ALOX15B: variants seen among roughly 807,000 people sequenced by gnomAD.
ALOX15B encodes polyunsaturated fatty acid lipoxygenase ALOX15B.
Under a neutral mutation model 73.8 loss-of-function variants are expected in ALOX15B, and 74 were observed. The ratio of observed to expected loss-of-function variants is 1.00; its 90% CI spans 0.83 to 1.22. The LOEUF is 1.22. Among genes scored for constraint, ALOX15B ranks in the 50% most tolerant of loss-of-function variants. The pLI, the probability that ALOX15B is intolerant of heterozygous loss-of-function variation, is 0.00. For synonymous variants in ALOX15B, 353 were observed against 357.2 expected, an observed-to-expected ratio of 0.99 and a Z score of 0.13; for missense variants, 896 against 859.9, an observed-to-expected ratio of 1.04 and a Z score of -0.52.
Position 8,048,712 on chromosome 17 carries a change from C to G in ALOX15B, c.*147C>G. 3 of 751,594 alleles carry G rather than the reference C, an allele frequency of 4.0e-6. No homozygotes were observed. Among genetic ancestry groups the G allele is most frequent in the Non-Finnish European group, 6.2e-6 (3 of 485,870 alleles). The allele number at this position is 751,594 out of a possible 1,614,324, so 46.6% of individuals were successfully genotyped here. On this transcript the variant is annotated 3_prime_UTR_variant, in exon 14 of 14. Transcript: ENST00000380183. ...CAGACTCTGTAACTCACCCCCACCA[C>G]CATACACACACACAAAAACAGAAAC...
At chr17:8,045,861 A>T (rs964115128) in intron 8 of ALOX15B, among the ~76,000 whole-genome samples, 175 bp downstream of exon 8, 3 of 152,144 alleles carry the variant, frequency 2.0e-5, no homozygotes, top group African/African-American at 7.2e-5. Context: ...GCCCTAAGTA[A>T]CATAAATGCA....
intron 5 of ALOX15B, 138 bp from the exon 6 acceptor site, chr17:8,044,691 G>A (rs1424003147): frequency 2.8e-6 from 2 of 711,160 alleles, no homozygotes; most frequent in South Asian, 1.8e-5. Flanking sequence ...CAAGGGGCAG[G>A]GGAGGTAACT....
intron 10 of ALOX15B, 76 bp downstream of exon 10, chr17:8,047,152 G>A (rs984406409): frequency 1.2e-6 from 2 of 1,608,002 alleles, no homozygotes; most frequent in African/African-American, 1.3e-5. Flanking sequence ...AGGCCCCAGG[G>A]AGGCTCACGT....
Position 8,039,461 on chromosome 17 carries a change from G to T in ALOX15B, c.223G>T (p.Val75Leu). 4 of 1,605,988 alleles carry T rather than the reference G, an allele frequency of 2.5e-6. No homozygotes were observed. Among genetic ancestry groups the T allele is most frequent in the Non-Finnish European group, 3.4e-6 (4 of 1,177,258 alleles). ...GCTGCGCGTGCACAAGGCGCCCCCAGTGCTGCCCCTGCTGGGGCCCCTGGC... is the reference window on the plus strand; with the variant it reads ...GCTGCGCGTGCACAAGGCGCCCCCATTGCTGCCCCTGCTGGGGCCCCTGGC... ...LLLRVHKAPP[V>L]LPLLGPLAPD... The change falls in exon 2 of 14, where the codon GTG becomes TTG. Residue 75 changes from valine (V) to leucine (L), a missense_variant. Transcript: ENST00000380183.
In ALOX15B at chr17:8,045,482, G is replaced by C; in HGVS notation, c.997-1G>C. 1 of 1,613,946 alleles carries C rather than the reference G, an allele frequency of 6.2e-7. No homozygotes were observed. Among genetic ancestry groups the C allele is most frequent in the South Asian group, 1.1e-5 (1 of 91,070 alleles). The stretch of plus-strand genomic sequence containing the variant: ...CTCTCTCCCCACCTGCCTCCCCCCA[G>C]CTCAGCCAGACCCCCGGCCCAAACA... On this transcript the variant is annotated splice_acceptor_variant, in intron 7 of 13. Transcript: ENST00000380183. LOFTEE classifies it high-confidence loss of function.
chr17:8,045,477 C>T lies in ALOX15B; in HGVS notation c.997-6C>T, dbSNP rs111777159. The stretch of plus-strand genomic sequence containing the variant: ...GCTGCCTCTCTCCCCACCTGCCTCC[C>T]CCCAGCTCAGCCAGACCCCCGGCCC... On this transcript the variant is annotated splice_region_variant and splice_polypyrimidine_tract_variant and intron_variant, in intron 7 of 13. Transcript: ENST00000380183. 1.9e-4 allele frequency: 299 copies of T among 1,614,076 alleles called. 4 individuals are homozygous for T. The African/African-American group carries it at 3.2e-3, about 17-fold the overall frequency.
intron 2 of ALOX15B, 30 bp downstream of exon 2, chr17:8,039,635 G>T: frequency 8.4e-7 from 1 of 1,189,180 alleles, no homozygotes; most frequent in Non-Finnish European, 1.2e-6. Context: ...GGGGCTGCAG[G>T]GGGAGCACAG....
chr17:8,045,469 C>G lies in ALOX15B; in HGVS notation c.997-14C>G, dbSNP rs755397938. On this transcript the variant is annotated splice_polypyrimidine_tract_variant and intron_variant, in intron 7 of 13. Coordinates refer to ENST00000380183, the MANE Select transcript of ALOX15B (RefSeq NM_001141.3). Reference sequence around the variant, plus strand: ...CACTCATGGCTGCCTCTCTCCCCACCTGCCTCCCCCCAGCTCAGCCAGACC... The same window carrying G: ...CACTCATGGCTGCCTCTCTCCCCACGTGCCTCCCCCCAGCTCAGCCAGACC... 2 of 1,614,044 alleles carry G rather than the reference C, an allele frequency of 1.2e-6. No individual in the cohort carries two copies. Among genetic ancestry groups the G allele is most frequent in the Non-Finnish European group, 1.7e-6 (2 of 1,179,994 alleles).
chr17:8,039,668 T>TG, intron 2 of ALOX15B, 63 bp downstream of exon 2: 21 of 938,310 alleles, frequency 2.2e-5, no homozygotes, highest in Non-Finnish European at 3.1e-5. Context: ...GACTGGGGGT[T>TG]GGGGAGAAGG....
At chr17:8,042,660 G>A (rs1976493255) in intron 4 of ALOX15B, 121 bp from the exon 5 acceptor site, 1 of 1,318,542 alleles carries the variant, frequency 7.6e-7, no homozygotes, top group South Asian at 1.4e-5. Flanking sequence ...GCTACCTTAG[G>A]GGTAGTGACT....
Position 8,046,770 on chromosome 17 carries a change from G to C in ALOX15B, c.1287+16G>C, listed in dbSNP as rs757018160. On this transcript the variant is annotated intron_variant, in intron 9 of 13. Transcript: ENST00000380183. ...GGTGGACAGGGTGAGAGCTGTGTTG[G>C]GGAGGGAGTAGGCAGGCCACTCCTT... 1.2e-6 allele frequency: 2 copies of C among 1,613,302 alleles called. No individual in the cohort carries two copies. The highest frequency in any genetic ancestry group is 2.7e-5 in the African/African-American group (2 of 74,870).
At chr17:8,042,267 C>T in intron 3 of ALOX15B, 102 bp from the exon 4 acceptor site, 1 of 1,453,182 alleles carries the variant, frequency 6.9e-7, no homozygotes, top group Admixed American at 2.1e-5. Context: ...CTGAAGGGGT[C>T]TGGCTGTGAC....
Position 8,044,969 on chromosome 17 carries a change from G to T in ALOX15B, c.817G>T (p.Gly273Cys). 8 of 1,614,142 alleles carry T rather than the reference G, an allele frequency of 5.0e-6. No individual in the cohort carries two copies. The highest frequency in any genetic ancestry group is 6.8e-6 in the Non-Finnish European group (8 of 1,180,018). ...TGATGCCATGGTGGCCTCAGTGTTG[G>T]GTCCTGGGACCAGCTTGCAGGCTGA... ...VTDAMVASVLGPGTSLQAELE... is the reference protein window; with the variant it reads ...VTDAMVASVLCPGTSLQAELE... Residue 273 changes from glycine to cysteine, a missense_variant, in exon 6 of 14, where the codon GGT (glycine) becomes TGT (cysteine). Physicochemically the swap from Gly to Cys is radical, Grantham distance 159. Transcript: ENST00000380183.
rs980521954 is a variant in ALOX15B at position 8,039,936 on chromosome 17, C to G, written c.402C>G (p.Leu134=). The change falls in exon 3 of 14, where the codon CTC becomes CTG. Residue 134 remains leucine (L), a synonymous_variant. Transcript: ENST00000380183. ...CCTGGGCAGACCACCACCCTGTGCT[C>G]CAGCAACAGCGCCAGGAGGAGCTTC... is the stretch of plus-strand genomic sequence containing the variant. The part of the protein sequence containing the change: ...KVSWADHHPV[L]QQQRQEELQA... 6.2e-7 allele frequency: 1 copy of G among 1,613,522 alleles called. No individual in the cohort carries two copies. Among genetic ancestry groups the G allele is most frequent in the East Asian group, 2.2e-5 (1 of 44,838 alleles).
In ALOX15B at chr17:8,048,717, C is replaced by A; in HGVS notation, c.*152C>A. ...TCTGTAACTCACCCCCACCACCATA[C>A]ACACACACAAAAACAGAAACAAAAT... On this transcript the variant is annotated 3_prime_UTR_variant, in exon 14 of 14. Coordinates refer to ENST00000380183, the MANE Select transcript of ALOX15B (RefSeq NM_001141.3). The A allele has an allele frequency of 1.4e-6, 1 of 719,344 alleles. No individual in the cohort carries two copies. Among genetic ancestry groups the A allele is most frequent in the Non-Finnish European group, 2.2e-6 (1 of 460,520 alleles). The allele number at this position is 719,344 out of a possible 1,614,324, so 44.6% of individuals were successfully genotyped here. A position where few individuals can be genotyped will look rare whatever the true frequency, so the allele number is the denominator to read the frequency against.
Position 8,047,565 on chromosome 17 carries a change from T to C in ALOX15B, c.1581T>C (p.Gly527=). ...SKGFLNQESS[G]IPSSLETREA... ...ATCCCAGCCCAGCTCTCCTTGCAGG[T>C]ATACCCTCCTCACTGGAGACCCGGG... The change falls in exon 12 of 14, where the codon GGT becomes GGC. Residue 527 remains glycine, a splice_region_variant and synonymous_variant. Coordinates refer to ENST00000380183, the MANE Select transcript of ALOX15B (RefSeq NM_001141.3). 1 of 1,600,070 alleles carries C rather than the reference T, an allele frequency of 6.2e-7. No homozygotes were observed. The highest frequency in any genetic ancestry group is 8.5e-7 in the Non-Finnish European group (1 of 1,173,280).
At chr17:8,047,170 G>A in intron 10 of ALOX15B, 88 bp from the exon 11 acceptor site, 1 of 1,607,114 alleles carries the variant, frequency 6.2e-7, no homozygotes, top group Non-Finnish European at 8.5e-7. Flanking sequence ...CGTTGAGGAG[G>A]AGGGCCAGAC....
intron 3 of ALOX15B, among the ~76,000 whole-genome samples, chr17:8,040,607 GAA>G (rs754807264): frequency 1.3e-4 from 15 of 113,402 alleles, no homozygotes; most frequent in South Asian, 5.6e-4. Context: ...GAGAGAGAAA[GAA>G]AGAAAGAAAG....
intron 10 of ALOX15B, 35 bp downstream of exon 10, chr17:8,047,111 C>A: frequency 6.2e-7 from 1 of 1,611,674 alleles, no homozygotes; most frequent in South Asian, 1.1e-5. Context: ...GAGGGCTGGT[C>A]GGGGACGTGG....
Sources: allele counts gnomAD v4.1 joint callset (sites outside exome capture counted in the v4.1 genomes callset), GRCh38; gene constraint gnomAD v4.1.1; transcripts MANE v1.5; gene names NCBI Gene and HGNC (gene_info 2026-07-23, HGNC 2026-07-21).